COL25A1: variants seen among roughly 807,000 people sequenced by gnomAD.
The protein encoded by COL25A1 is collagen type XXV alpha 1 chain.
COL25A1 carries 103 observed loss-of-function variants against 128.4 expected under a neutral mutation model. The observed-to-expected ratio is 0.80, with a 90% CI of 0.68 to 0.94. The LOEUF is 0.94. COL25A1 is among the 40% of genes least tolerant of loss of function. The probability of loss-of-function intolerance (pLI) is 0.00; values close to 1 mark genes in which losing one functional copy is unlikely to be tolerated. For missense variants in COL25A1, 745 were observed against 840.0 expected, an observed-to-expected ratio of 0.89 and a Z score of 1.40; for synonymous variants, 279 against 277.2, an observed-to-expected ratio of 1.01 and a Z score of -0.06.
At chr4:108,842,954 G>C (rs1288189723) in intron 30 of COL25A1, among the ~76,000 whole-genome samples, 1 of 152,042 alleles carries the variant, frequency 6.6e-6, no homozygotes, top group Non-Finnish European at 1.5e-5. Context: ...AGAACAGCTT[G>C]GGCAATGTGG....
intron 3 of COL25A1, among the ~76,000 whole-genome samples, chr4:109,254,941 G>A (rs1780982012): frequency 6.6e-6 from 1 of 152,142 alleles, no homozygotes; most frequent in Non-Finnish European, 1.5e-5. Context: ...CATGCACCAG[G>A]CACTGAGCTA....
chr4:108,983,949 A>G (rs530122402), intron 6 of COL25A1, among the ~76,000 whole-genome samples: 29 of 152,006 alleles, frequency 1.9e-4, no homozygotes, highest in African/African-American at 7.0e-4. Flanking sequence ...GCCACTGCTG[A>G]CTCGGGCAGC....
chr4:108,921,140 G>T (rs1745449233), intron 11 of COL25A1: 1 of 154,204 alleles, frequency 6.5e-6, no homozygotes. Flanking sequence ...ACAAACTAGG[G>T]GAGGCCAGTG....
At chr4:108,947,302 C>T (rs973518728) in intron 8 of COL25A1, among the ~76,000 whole-genome samples, 4 of 151,868 alleles carry the variant, frequency 2.6e-5, no homozygotes, top group African/African-American at 9.7e-5. Flanking sequence ...ATTAGCTGGG[C>T]ATGGTGGCGG....
At chr4:109,109,207 T>C (rs3108934) in intron 3 of COL25A1, among the ~76,000 whole-genome samples, 1 of 151,902 alleles carries the variant, frequency 6.6e-6, no homozygotes, top group African/African-American at 2.4e-5. Flanking sequence ...CAGTGCCTCA[T>C]CTTTCCAAAT....
chr4:109,178,009 T>C (rs1774254052), intron 3 of COL25A1, among the ~76,000 whole-genome samples: 1 of 152,208 alleles, frequency 6.6e-6, no homozygotes, highest in African/African-American at 2.4e-5. Context: ...AGAATATCTA[T>C]TTTCGTCCAT....
chr4:109,267,903 G>A (rs996682605), intron 3 of COL25A1, among the ~76,000 whole-genome samples: 15 of 152,096 alleles, frequency 9.9e-5, no homozygotes, highest in African/African-American at 3.6e-4. Flanking sequence ...TTCATCTGAC[G>A]TTTGGATCTA....
intron 19 of COL25A1, among the ~76,000 whole-genome samples, chr4:108,882,623 C>T (rs1740267943): frequency 6.6e-6 from 1 of 152,062 alleles, no homozygotes; most frequent in Non-Finnish European, 1.5e-5. Flanking sequence ...TAATTTAACT[C>T]TATAATATGA....
intron 5 of COL25A1, among the ~76,000 whole-genome samples, chr4:109,038,851 G>A (rs1363862586): frequency 6.6e-6 from 1 of 152,134 alleles, no homozygotes; most frequent in Non-Finnish European, 1.5e-5. Flanking sequence ...TCCTCTGGGT[G>A]ACTGCTCATG....
intron 3 of COL25A1, among the ~76,000 whole-genome samples, chr4:109,231,439 T>A (rs1467287333): frequency 2.0e-5 from 3 of 152,214 alleles, no homozygotes; most frequent in Admixed American, 2.0e-4. Flanking sequence ...TACAGTAATC[T>A]CAAGCTGCAG....
intron 5 of COL25A1, among the ~76,000 whole-genome samples, chr4:109,020,322 A>G (rs1470647901): frequency 6.6e-6 from 1 of 152,220 alleles, no homozygotes; most frequent in Non-Finnish European, 1.5e-5. Context: ...TTACTTAGAT[A>G]AGAATTTTTC....
chr4:108,901,766 T>C (rs1404267883), intron 13 of COL25A1, among the ~76,000 whole-genome samples: 1 of 152,118 alleles, frequency 6.6e-6, no homozygotes, highest in African/African-American at 2.4e-5. Flanking sequence ...ATTGCCATAT[T>C]GAATGATAGG....
chr4:109,064,051 T>C (rs979023489), intron 3 of COL25A1, among the ~76,000 whole-genome samples: 1 of 152,122 alleles, frequency 6.6e-6, no homozygotes, highest in Admixed American at 6.5e-5. Flanking sequence ...GGAGGCTTAA[T>C]TGGATTTAGG....
chr4:109,033,605 A>AT (rs1431370983), intron 5 of COL25A1, among the ~76,000 whole-genome samples: 2 of 152,164 alleles, frequency 1.3e-5, no homozygotes, highest in African/African-American at 4.8e-5. Context: ...TAACCTGCCT[A>AT]TTTTTTGGTG....
At chr4:108,882,617 T>C (rs1351686486) in intron 19 of COL25A1, among the ~76,000 whole-genome samples, 1 of 152,190 alleles carries the variant, frequency 6.6e-6, no homozygotes, top group Non-Finnish European at 1.5e-5. Context: ...ATGCCATAAT[T>C]TAACTCTATA....
rs367839533 is a variant in COL25A1 at position 109,040,032 on chromosome 4, T to C, written c.420+8136A>G. Among the ~76,000 whole-genome samples, 23 of 152,248 alleles carry C rather than the reference T, an allele frequency of 1.5e-4. No homozygotes were observed. The South Asian group carries it at 4.6e-3, about 30-fold the overall frequency. On this transcript the variant is annotated intron_variant, in intron 5 of 37. Coordinates refer to ENST00000399132, the MANE Select transcript of COL25A1 (RefSeq NM_198721.4). ...TTTATTCCATTTAACCCTATGCAAA[T>C]CTTAAGGATGCATGAGAACTTGTTT...
chr4:108,952,738 G>A (rs1184308234), intron 8 of COL25A1, among the ~76,000 whole-genome samples: 1 of 151,292 alleles, frequency 6.6e-6, no homozygotes. Flanking sequence ...AGGAGGCATA[G>A]CATGGATCAG....
chr4:108,914,526 C>T (rs1303980794), intron 13 of COL25A1, among the ~76,000 whole-genome samples: 1 of 152,086 alleles, frequency 6.6e-6, no homozygotes, highest in East Asian at 1.9e-4. Flanking sequence ...GTCAGGGAGA[C>T]AGCCAGGGGA....
At chr4:108,966,179 G>A (rs1260731318) in intron 8 of COL25A1, among the ~76,000 whole-genome samples, 1 of 152,178 alleles carries the variant, frequency 6.6e-6, no homozygotes, top group Non-Finnish European at 1.5e-5. Context: ...GTGACATACA[G>A]TTTCTAGGGT....
Sources: gnomAD v4.1 joint callset for allele counts (sites outside exome capture counted in the v4.1 genomes callset) on GRCh38, gnomAD v4.1.1 for gene constraint, MANE v1.5 for transcripts, NCBI Gene and HGNC (gene_info 2026-07-23, HGNC 2026-07-21) for gene names.